The following STX12 variants were observed in gnomAD, a reference collection of about 807,000 sequenced individuals.
STX12 encodes the protein syntaxin 12.
STX12 carries 17 observed loss-of-function variants against 42.2 expected under a neutral mutation model. That is an observed-to-expected ratio of 0.40 (90% CI 0.28 to 0.60). The LOEUF is 0.60. Among genes scored for constraint, STX12 ranks in the 20% least tolerant of loss-of-function variants. STX12 has a pLI of 0.39. For missense variants in STX12, 297 were observed against 330.9 expected (o/e 0.90, Z 0.79); for synonymous variants, 108 against 116.7 (o/e 0.93, Z 0.48).
intron 4 of STX12, among the ~76,000 whole-genome samples, chr1:27,808,840 G>A (rs1213634192): frequency 6.6e-6 from 1 of 152,110 alleles, no homozygotes; most frequent in Non-Finnish European, 1.5e-5. Flanking sequence ...CTATATGCTT[G>A]CCTAACTTTC....
intron 3 of STX12, among the ~76,000 whole-genome samples, chr1:27,798,938 A>G (rs2088806896): frequency 6.6e-6 from 1 of 150,776 alleles, no homozygotes; most frequent in Non-Finnish European, 1.5e-5. Flanking sequence ...TGGGTGACAG[A>G]GCAAGACCCT....
chr1:27,782,033 C>T (rs1456289337), intron 1 of STX12, among the ~76,000 whole-genome samples: 1 of 152,114 alleles, frequency 6.6e-6, no homozygotes, highest in African/African-American at 2.4e-5. Context: ...AGGAGTGGAG[C>T]CTTTTACTCA....
chr1:27,787,095 C>G (rs754395706), intron 1 of STX12, among the ~76,000 whole-genome samples: 1 of 152,124 alleles, frequency 6.6e-6, no homozygotes, highest in Non-Finnish European at 1.5e-5. Context: ...TAAGTGAATC[C>G]TATATTTCTG....
chr1:27,794,402 T>C (rs1037297351), intron 3 of STX12, among the ~76,000 whole-genome samples: 1 of 152,260 alleles, frequency 6.6e-6, no homozygotes, highest in African/African-American at 2.4e-5. Flanking sequence ...GTTACCTTCA[T>C]GTTCTGTCAT....
At position 27,817,905 on chromosome 1, in the gene STX12, G is replaced by T. The variant is rs2088954155; in HGVS notation, c.631G>T (p.Asp211Tyr). Residue 211 changes from aspartate to tyrosine, a missense_variant, in exon 7 of 9, where the codon GAC (aspartate) becomes TAC (tyrosine). By Grantham distance (160) the Asp-to-Tyr change is radical. Coordinates refer to ENST00000373943, the MANE Select transcript of STX12 (RefSeq NM_177424.3). ...IFKDLAMMIH[D>Y]QGDLIDSIEA... ...TAAAGATTTGGCCATGATGATCCAT[G>T]ACCAGGGTGATCTGATTGGTATGTA... 1.2e-6 allele frequency: 2 copies of T among 1,613,964 alleles called. No homozygotes were observed. Among genetic ancestry groups the T allele is most frequent in the African/African-American group, 2.7e-5 (2 of 75,034 alleles).
chr1:27,799,628 C>T lies in STX12; in HGVS notation c.289-2050C>T, dbSNP rs182923971. On this transcript the variant is annotated intron_variant, in intron 3 of 8. Transcript: ENST00000373943. ...CTCCCAAGTGGCAAAGGACTACAGG[C>T]GCACGCCACCACGCCTGGCTAATTT... Among the ~76,000 whole-genome samples, 470 of 151,570 alleles carry T rather than the reference C, an allele frequency of 3.1e-3. 4 individuals are homozygous for T. The highest frequency in any genetic ancestry group is 0.011 in the African/African-American group (436 of 41,238).
chr1:27,812,269 G>A lies in STX12; in HGVS notation c.576+1G>A. 1 of 1,553,400 alleles carries A rather than the reference G, an allele frequency of 6.4e-7. No homozygotes were observed. The highest frequency in any genetic ancestry group is 8.7e-7 in the Non-Finnish European group (1 of 1,148,030). On this transcript the variant is annotated splice_donor_variant, in intron 6 of 8. Coordinates refer to ENST00000373943, the MANE Select transcript of STX12 (RefSeq NM_177424.3). LOFTEE classifies it high-confidence loss of function. ...AGAAACGGCAATTCGGCAGCTGGAGGTGAGAGCCACGTCATGTTTTTTGTT... is the reference window on the plus strand; with the variant it reads ...AGAAACGGCAATTCGGCAGCTGGAGATGAGAGCCACGTCATGTTTTTTGTT...
At chr1:27,773,716 G>A in intron 1 of STX12, 1 of 341,530 alleles carries the variant, frequency 2.9e-6, no homozygotes, top group Non-Finnish European at 5.7e-6. Flanking sequence ...GGGAGTGTGT[G>A]TCACCTCGAG....
Position 27,823,002 on chromosome 1 carries a change from C to T in STX12, c.*673C>T, listed in dbSNP as rs556790396. ...ATCCACAGCAGTTCATCCTCATCCACACTAAGCCATCCTGTTAGCTTTTAA... is the reference window on the plus strand; with the variant it reads ...ATCCACAGCAGTTCATCCTCATCCATACTAAGCCATCCTGTTAGCTTTTAA... On this transcript the variant is annotated 3_prime_UTR_variant, in exon 9 of 9. Coordinates refer to ENST00000373943, the MANE Select transcript of STX12 (RefSeq NM_177424.3). The T allele has an allele frequency of 1.1e-4, 17 of 152,376 alleles. No homozygotes were observed. The highest frequency in any genetic ancestry group is 3.6e-4 in the African/African-American group (15 of 41,582). The allele number at this position is 152,376 out of a possible 1,614,324, so 9.4% of individuals were successfully genotyped here.
intron 3 of STX12, 26 bp downstream of exon 3, chr1:27,793,658 A>T (rs539263049): frequency 6.3e-7 from 1 of 1,589,498 alleles, no homozygotes; most frequent in Admixed American, 1.7e-5. Context: ...TTTGTTTATT[A>T]ATAGGAAAGG....
At chr1:27,798,758 A>G (rs1398173433) in intron 3 of STX12, among the ~76,000 whole-genome samples, 3 of 142,182 alleles carry the variant, frequency 2.1e-5, no homozygotes, top group Non-Finnish European at 3.0e-5. Flanking sequence ...TCCAGACTGG[A>G]CGACAGAGCG....
intron 5 of STX12, among the ~76,000 whole-genome samples, chr1:27,811,303 G>A (rs1157726391): frequency 5.2e-5 from 5 of 96,580 alleles, no homozygotes; most frequent in East Asian, 4.0e-4. Context: ...GCGAAACTCC[G>A]TCTCAAAAAA....
rs868652105 is a variant in STX12 at position 27,792,308 on chromosome 1, A to C, written c.189-1225A>C. ...TGTAGATACATATATATGTATCTATATATATGTAGATACATATATATGTAT... is the reference window on the plus strand; with the variant it reads ...TGTAGATACATATATATGTATCTATCTATATGTAGATACATATATATGTAT... On this transcript the variant is annotated intron_variant, in intron 2 of 8. Coordinates refer to ENST00000373943, the MANE Select transcript of STX12 (RefSeq NM_177424.3). Among the ~76,000 whole-genome samples, 86 of 136,670 alleles carry C rather than the reference A, an allele frequency of 6.3e-4. 3 individuals carry two copies. The highest frequency in any genetic ancestry group is 2.5e-4 in the Non-Finnish European group (16 of 65,280). The allele number at this position is 136,670 out of a possible 152,430, so 89.7% of individuals were successfully genotyped here.
chr1:27,817,911 G>A lies in STX12; in HGVS notation c.637G>A (p.Gly213Ser), dbSNP rs760813367. Reference protein sequence around the residue: ...KDLAMMIHDQGDLIDSIEANV... With the variant: ...KDLAMMIHDQSDLIDSIEANV... Reference sequence around the variant, plus strand: ...TTTGGCCATGATGATCCATGACCAGGGTGATCTGATTGGTATGTATTATTG... The same window carrying A: ...TTTGGCCATGATGATCCATGACCAGAGTGATCTGATTGGTATGTATTATTG... Residue 213 changes from glycine (G) to serine (S), a missense_variant, in exon 7 of 9, where the codon GGT (glycine) becomes AGT (serine). Transcript: ENST00000373943. 3.7e-6 allele frequency: 6 copies of A among 1,613,772 alleles called. No individual in the cohort carries two copies. In the South Asian group the frequency reaches 5.5e-5, roughly 15 times the overall value.
chr1:27,777,707 A>G (rs2088636462), intron 1 of STX12, among the ~76,000 whole-genome samples: 1 of 151,838 alleles, frequency 6.6e-6, no homozygotes, highest in Non-Finnish European at 1.5e-5. Context: ...CAATATGGTG[A>G]AACCCTGTCT....
intron 6 of STX12, 123 bp downstream of exon 6, chr1:27,812,391 A>G: frequency 1.4e-6 from 1 of 727,656 alleles, no homozygotes; most frequent in Non-Finnish European, 2.2e-6. Flanking sequence ...TGTGATTTGT[A>G]TTTTTTCTGT....
intron 3 of STX12, among the ~76,000 whole-genome samples, chr1:27,794,248 A>C (rs1557801650): frequency 6.6e-6 from 1 of 152,072 alleles, no homozygotes; most frequent in Non-Finnish European, 1.5e-5. Context: ...GCTGGTATTG[A>C]ACTTGTGACT....
chr1:27,807,230 T>A (rs949942672), intron 4 of STX12, among the ~76,000 whole-genome samples: 6 of 152,140 alleles, frequency 3.9e-5, no homozygotes, highest in African/African-American at 1.4e-4. Flanking sequence ...CTTTTAGTTA[T>A]TTTTGAATAT....
chr1:27,819,091 C>G (rs926564473), intron 7 of STX12, among the ~76,000 whole-genome samples: 1 of 151,704 alleles, frequency 6.6e-6, no homozygotes, highest in Admixed American at 6.6e-5. Context: ...GCCTAGGCAA[C>G]ATAGTAAGAC....
Sources: gnomAD v4.1 joint callset for allele counts (sites outside exome capture counted in the v4.1 genomes callset) on GRCh38, gnomAD v4.1.1 for gene constraint, MANE v1.5 for transcripts, NCBI Gene and HGNC (gene_info 2026-07-23, HGNC 2026-07-21) for gene names.